Variants in TRAPPC9 observed in about 807,000 individuals in gnomAD.
The protein encoded by TRAPPC9 is trafficking protein particle complex subunit 9, also known as IKK2 binding protein.
Under a neutral mutation model 124.0 loss-of-function variants are expected in TRAPPC9, and 83 were observed. The ratio of observed to expected loss-of-function variants is 0.67; its 90% CI spans 0.56 to 0.80. TRAPPC9 has a LOEUF of 0.80. Ranked by LOEUF, TRAPPC9 falls within the 30% of genes least tolerant of loss-of-function variation. The probability of loss-of-function intolerance (pLI) is 0.00; values close to 1 mark genes in which losing one functional copy is unlikely to be tolerated. For synonymous variants in TRAPPC9, 638 were observed against 617.5 expected, an observed-to-expected ratio of 1.03 and a Z score of -0.49; for missense variants, 1,302 against 1,508.3, an observed-to-expected ratio of 0.86 and a Z score of 2.27.
At chr8:140,326,413 G>C (rs945020567) in intron 9 of TRAPPC9, among the ~76,000 whole-genome samples, 1 of 152,120 alleles carries the variant, frequency 6.6e-6, no homozygotes, top group Non-Finnish European at 1.5e-5. Context: ...CTCATAAGTA[G>C]CAGTGATCTA....
chr8:139,756,203 G>GT (rs1819758657), intron 21 of TRAPPC9, among the ~76,000 whole-genome samples: 2 of 121,104 alleles, frequency 1.7e-5, no homozygotes, highest in South Asian at 3.1e-4. Flanking sequence ...AGGGATTAGG[G>GT]ATGAGGACAG....
At chr8:140,137,526 T>C (rs982538419) in intron 17 of TRAPPC9, among the ~76,000 whole-genome samples, 3 of 152,218 alleles carry the variant, frequency 2.0e-5, no homozygotes, top group Middle Eastern at 3.2e-3. Flanking sequence ...AGACCGGCCC[T>C]GGGCGGCCTC....
intron 17 of TRAPPC9, among the ~76,000 whole-genome samples, chr8:140,171,289 T>C (rs1043373904): frequency 6.6e-6 from 1 of 152,154 alleles, no homozygotes; most frequent in Non-Finnish European, 1.5e-5. Flanking sequence ...CAGAAACAGA[T>C]TGGTGACAGC....
chr8:139,987,883 G>A (rs562689342), intron 19 of TRAPPC9, among the ~76,000 whole-genome samples: 24 of 152,222 alleles, frequency 1.6e-4, no homozygotes, highest in Non-Finnish European at 2.4e-4. Context: ...TCTCACTTCC[G>A]CATCAGCTCC....
intron 21 of TRAPPC9, among the ~76,000 whole-genome samples, chr8:139,746,477 C>G (rs767593954): frequency 6.6e-6 from 1 of 152,116 alleles, no homozygotes; most frequent in Non-Finnish European, 1.5e-5. Flanking sequence ...GGCTATGGGA[C>G]CAACAGGTCC....
chr8:140,416,360 CA>C (rs1357713413), intron 5 of TRAPPC9, among the ~76,000 whole-genome samples: 1 of 152,050 alleles, frequency 6.6e-6, no homozygotes, highest in Admixed American at 6.5e-5. Context: ...TAAATAGACC[CA>C]TAACAAGTAA....
intron 11 of TRAPPC9, among the ~76,000 whole-genome samples, chr8:140,295,875 A>G (rs1453184661): frequency 6.6e-6 from 1 of 152,206 alleles, no homozygotes; most frequent in Non-Finnish European, 1.5e-5. Flanking sequence ...TATAAATTGC[A>G]TTTTCCTACC....
At chr8:140,215,709 G>A (rs527582525) in intron 17 of TRAPPC9, among the ~76,000 whole-genome samples, 6 of 150,676 alleles carry the variant, frequency 4.0e-5, no homozygotes, top group Admixed American at 3.3e-4. Context: ...CAGACGCGGC[G>A]AACTTGGGCA....
At chr8:140,020,113 T>C (rs1287885759) in intron 18 of TRAPPC9, among the ~76,000 whole-genome samples, 1 of 152,242 alleles carries the variant, frequency 6.6e-6, no homozygotes, top group Non-Finnish European at 1.5e-5. Context: ...TATTAGTTAT[T>C]TGTGTTTCCA....
intron 4 of TRAPPC9, among the ~76,000 whole-genome samples, chr8:140,429,172 C>T (rs932118891): frequency 9.2e-5 from 14 of 151,366 alleles, no homozygotes; most frequent in African/African-American, 2.7e-4. Flanking sequence ...ACCTCCGCTT[C>T]CCGGGTTCAA....
At chr8:140,114,574 T>C (rs1037641396) in intron 17 of TRAPPC9, among the ~76,000 whole-genome samples, 2 of 152,202 alleles carry the variant, frequency 1.3e-5, no homozygotes, top group Non-Finnish European at 2.9e-5. Context: ...CAGGAAGGTA[T>C]CATAATAGGA....
At chr8:140,239,877 TA>T (rs1263504382) in intron 16 of TRAPPC9, among the ~76,000 whole-genome samples, 1 of 152,236 alleles carries the variant, frequency 6.6e-6, no homozygotes, top group Non-Finnish European at 1.5e-5. Flanking sequence ...CACTGTTCTT[TA>T]AAAAATAAGA....
intron 10 of TRAPPC9, among the ~76,000 whole-genome samples, chr8:140,301,303 GATAAATTTA>G (rs2065969006): frequency 6.6e-6 from 1 of 152,242 alleles, no homozygotes; most frequent in African/African-American, 2.4e-5. Flanking sequence ...CTAGCATTAA[GATAAATTTA>G]CCAATCCATG....
chr8:139,795,164 G>A (rs1239103729), intron 21 of TRAPPC9, among the ~76,000 whole-genome samples: 1 of 152,138 alleles, frequency 6.6e-6, no homozygotes, highest in African/African-American at 2.4e-5. Context: ...GTCCCCCATG[G>A]GCCCTGCTGG....
intron 21 of TRAPPC9, among the ~76,000 whole-genome samples, chr8:139,831,224 G>A (rs972271386): frequency 6.6e-6 from 1 of 152,122 alleles, no homozygotes; most frequent in African/African-American, 2.4e-5. Context: ...GAAGACAGCC[G>A]CCCACACATT....
chr8:139,909,939 C>T (rs1448285497), intron 20 of TRAPPC9, among the ~76,000 whole-genome samples: 1 of 152,194 alleles, frequency 6.6e-6, no homozygotes, highest in East Asian at 1.9e-4. Context: ...CCTTTCCTCG[C>T]CCCCAATCAA....
chr8:140,066,140 A>G (rs565879737), intron 17 of TRAPPC9, among the ~76,000 whole-genome samples: 1 of 152,372 alleles, frequency 6.6e-6, no homozygotes, highest in Non-Finnish European at 1.5e-5. Context: ...CAGGGGCTCA[A>G]GACTTTGGCA....
intron 21 of TRAPPC9, among the ~76,000 whole-genome samples, chr8:139,844,482 G>A (rs771844104): frequency 3.9e-5 from 6 of 152,242 alleles, no homozygotes; most frequent in Non-Finnish European, 8.8e-5. Context: ...CAACGGAGGG[G>A]CCGTTAATTT....
intron 7 of TRAPPC9, among the ~76,000 whole-genome samples, chr8:140,388,847 C>CAA (rs59649390): frequency 2.8e-4 from 17 of 61,006 alleles, no homozygotes; most frequent in East Asian, 2.4e-3. Flanking sequence ...GAGACTCCAT[C>CAA]AAAAAAAAAA....
Sources: allele counts gnomAD v4.1 joint callset (sites outside exome capture counted in the v4.1 genomes callset), GRCh38; gene constraint gnomAD v4.1.1; transcripts MANE v1.5; gene names NCBI Gene and HGNC (gene_info 2026-07-23, HGNC 2026-07-21).